The following MCMBP variants were observed in gnomAD, a reference collection of about 807,000 sequenced individuals.
The protein encoded by MCMBP is minichromosome maintenance complex binding protein.
In MCMBP, 31 loss-of-function variants were observed where a neutral mutation model predicts 81.3. That is an observed-to-expected ratio of 0.38 (90% CI 0.29 to 0.51). The LOEUF (loss-of-function observed/expected upper bound fraction) is 0.51. MCMBP is among the 20% of genes least tolerant of loss of function. The pLI is 0.87. For synonymous variants in MCMBP, 267 were observed against 275.9 expected, an observed-to-expected ratio of 0.97 and a Z score of 0.32; for missense variants, 645 against 772.1, an observed-to-expected ratio of 0.84 and a Z score of 1.95.
Position 119,859,041 on chromosome 10 carries a change from A to G in MCMBP, c.285T>C (p.His95=), listed in dbSNP as rs1458171207. 5.0e-6 allele frequency: 8 copies of G among 1,613,424 alleles called. No individual in the cohort carries two copies. Among genetic ancestry groups the G allele is most frequent in the East Asian group, 2.2e-5 (1 of 44,852 alleles). ...YETVNQNTKA[H]VLHFGKYRDV... ...AATTCATGAAAACAGCAATACTTAC[A>G]TGTGCTTTTGTGTTTTGGTTAACCG... Residue 95 remains histidine (H), a splice_region_variant and synonymous_variant, in exon 3 of 16, where the codon CAT becomes CAC. Transcript: ENST00000369077.
In MCMBP at chr10:119,859,805, A is replaced by G. The variant is rs1321318754; in HGVS notation, c.138T>C (p.Pro46=). Residue 46 remains proline (P), a synonymous_variant, in exon 2 of 16, where the codon CCT becomes CCC. Coordinates refer to ENST00000369077, the MANE Select transcript of MCMBP (RefSeq NM_001256378.2). ...FKEKLKENNA[P]KWVPSLNEVP... ...AAAATAGCAATAAGCTTACCCACTT[A>G]GGAGCATTATTTTCCTTCAGCTTTT... The G allele has an allele frequency of 3.1e-6, 5 of 1,611,262 alleles. No homozygotes were observed. The Admixed American group carries it at 8.3e-5, about 27-fold the overall frequency.
chr10:119,833,540 T>C (rs191340902), intron 14 of MCMBP, among the ~76,000 whole-genome samples: 76 of 151,842 alleles, frequency 5.0e-4, no homozygotes, highest in African/African-American at 1.8e-3. Flanking sequence ...TAGTTGGGCA[T>C]GGTGGTGCAC....
chr10:119,848,700 C>A (rs1339140864), intron 7 of MCMBP, among the ~76,000 whole-genome samples: 1 of 152,120 alleles, frequency 6.6e-6, no homozygotes, highest in African/African-American at 2.4e-5. Context: ...CATTTCTGAA[C>A]CTTCTATCAC....
intron 8 of MCMBP, among the ~76,000 whole-genome samples, chr10:119,845,142 A>C (rs17099342): frequency 0.055 from 8,404 of 152,308 alleles, 425 homozygotes; most frequent in South Asian, 0.27. Context: ...AAGTCATCAC[A>C]ATCAGAAATT....
upstream of MCMBP, among the ~76,000 whole-genome samples, chr10:119,873,180 T>C (rs1475165836): frequency 2.6e-5 from 4 of 152,158 alleles, no homozygotes; most frequent in Non-Finnish European, 5.9e-5. Flanking sequence ...CAGAGTCATC[T>C]CTGGGCAAAA....
At position 119,830,395 on chromosome 10, in the gene MCMBP, G is replaced by C. The variant is rs1378969702; in HGVS notation, c.*1079C>G. On this transcript the variant is annotated 3_prime_UTR_variant, in exon 16 of 16. Coordinates refer to ENST00000369077, the MANE Select transcript of MCMBP (RefSeq NM_001256378.2). ...TTGGTCTGGAGAAAACCTACCTGCAGTTGTACGAGGCTGTTACTGGAGTAG... is the reference window on the plus strand; with the variant it reads ...TTGGTCTGGAGAAAACCTACCTGCACTTGTACGAGGCTGTTACTGGAGTAG... The C allele has an allele frequency of 6.6e-6, 1 of 152,208 alleles. No individual in the cohort carries two copies. Among genetic ancestry groups the C allele is most frequent in the Non-Finnish European group, 1.5e-5 (1 of 68,028 alleles). 9.4% of individuals were successfully genotyped at this position (152,208 alleles called of 1,614,324 possible).
chr10:119,832,944 T>G (rs1338862471), intron 14 of MCMBP, among the ~76,000 whole-genome samples: 1 of 152,084 alleles, frequency 6.6e-6, no homozygotes, highest in Non-Finnish European at 1.5e-5. Context: ...TCCTAGGAAC[T>G]CAGAAGGCTG....
intron 8 of MCMBP, among the ~76,000 whole-genome samples, chr10:119,844,765 GACTGGCTGAGTCTTCCGCCTCCAC>G (rs149159106): frequency 0.01 from 1,572 of 152,308 alleles, 20 homozygotes; most frequent in African/African-American, 0.036. Context: ...GTAAAGAGCA[GACTGGCTGAGTCTTCCGCCTCCAC>G]CTTTCTCTCA....
intron 11 of MCMBP, among the ~76,000 whole-genome samples, chr10:119,839,062 T>A (rs1852345310): frequency 6.6e-6 from 1 of 152,252 alleles, no homozygotes; most frequent in Admixed American, 6.5e-5. Context: ...TTAATTTTAC[T>A]CTTCAAGACA....
At chr10:119,848,200 CATG>C (rs1309986837) in intron 7 of MCMBP, among the ~76,000 whole-genome samples, 1 of 151,386 alleles carries the variant, frequency 6.6e-6, no homozygotes, top group Admixed American at 6.6e-5. Context: ...AATTGTCTGT[CATG>C]ATGGACTTAG....
chr10:119,838,401 A>G (rs1852325655), intron 12 of MCMBP, 134 bp downstream of exon 12: 1 of 808,066 alleles, frequency 1.2e-6, no homozygotes, highest in Non-Finnish European at 1.8e-6. Context: ...GCTTTAATCA[A>G]ATTCATATGC....
rs899854928 is a variant in MCMBP, at chr10:119,829,763, T to A, written c.*1711A>T. Reference sequence around the variant, plus strand: ...CACAGATCACATGGGATGGTGAATCTTCTTACTCATGAAAAACAGCCCAAG... The same window carrying A: ...CACAGATCACATGGGATGGTGAATCATCTTACTCATGAAAAACAGCCCAAG... On this transcript the variant is annotated 3_prime_UTR_variant, in exon 16 of 16. Coordinates refer to ENST00000369077, the MANE Select transcript of MCMBP (RefSeq NM_001256378.2). The A allele has an allele frequency of 5.3e-5, 8 of 152,202 alleles. No homozygotes were observed. Among genetic ancestry groups the A allele is most frequent in the Non-Finnish European group, 1.5e-5 (1 of 68,042 alleles). 9.4% of individuals were successfully genotyped at this position (152,202 alleles called of 1,614,324 possible).
chr10:119,844,768 T>G (rs1030045806), intron 8 of MCMBP, among the ~76,000 whole-genome samples: 1 of 149,230 alleles, frequency 6.7e-6, no homozygotes, highest in East Asian at 1.9e-4. Context: ...AAGAGCAGAC[T>G]GGCTGAGTCT....
chr10:119,854,968 A>AT lies in MCMBP; in HGVS notation c.430-1775_430-1774insA, dbSNP rs1164852622. Among the ~76,000 whole-genome samples, 847 of 132,568 alleles carry AT rather than the reference A, an allele frequency of 6.4e-3. 9 individuals carry two copies. The highest frequency in any genetic ancestry group is 0.017 in the African/African-American group (602 of 34,512). 87.0% of individuals were successfully genotyped at this position (132,568 alleles called of 152,430 possible). ...ACTCTGCCTCAAAAAAAAAAAAAAA[A>AT]AAAATAAAATAAAATCATAATCATA... On this transcript the variant is annotated intron_variant, in intron 5 of 15. Transcript: ENST00000369077.
intron 7 of MCMBP, 29 bp from the exon 8 acceptor site, chr10:119,847,742 G>A: frequency 7.5e-7 from 1 of 1,329,892 alleles, no homozygotes; most frequent in Non-Finnish European, 1.1e-6. Context: ...AAATCACACT[G>A]TTAGAACAGA....
chr10:119,870,522 T>C (rs1187544889), intron 1 of MCMBP, among the ~76,000 whole-genome samples: 1 of 152,060 alleles, frequency 6.6e-6, no homozygotes, highest in Admixed American at 6.6e-5. Context: ...TGTCTAAATA[T>C]ATGCAGAGAA....
rs192246187 is a variant in MCMBP, at chr10:119,829,698, T to G, written c.*1776A>C. 4.0e-4 allele frequency: 61 copies of G among 152,282 alleles called. No individual in the cohort carries two copies. Among genetic ancestry groups the G allele is most frequent in the African/African-American group, 1.4e-3 (59 of 41,548 alleles). The allele number at this position is 152,282 out of a possible 1,614,324, so 9.4% of individuals were successfully genotyped here. A position where few individuals can be genotyped will look rare whatever the true frequency, so the allele number is the denominator to read the frequency against. On this transcript the variant is annotated 3_prime_UTR_variant, in exon 16 of 16. Coordinates refer to ENST00000369077, the MANE Select transcript of MCMBP (RefSeq NM_001256378.2). The stretch of plus-strand genomic sequence containing the variant: ...ACCACCTCCTCCACTTCAGTTCAGC[T>G]CTCTCATGTCTTCCACCAAGAGGAC...
intron 1 of MCMBP, among the ~76,000 whole-genome samples, chr10:119,865,974 G>C (rs1853435924): frequency 6.6e-6 from 1 of 151,828 alleles, no homozygotes; most frequent in South Asian, 2.1e-4. Context: ...TGTAGTCCCA[G>C]CTACTCAGGA....
chr10:119,867,130 T>C (rs1589802741), intron 1 of MCMBP, among the ~76,000 whole-genome samples: 1 of 145,544 alleles, frequency 6.9e-6, no homozygotes, highest in Middle Eastern at 3.8e-3. Context: ...CCGACTCTAC[T>C]AAAAATGCAA....
Sources: allele counts gnomAD v4.1 joint callset (sites outside exome capture counted in the v4.1 genomes callset), GRCh38; gene constraint gnomAD v4.1.1; transcripts MANE v1.5; gene names NCBI Gene and HGNC (gene_info 2026-07-23, HGNC 2026-07-21).